The following NRXN1 variants were observed in gnomAD, a reference collection of about 807,000 sequenced individuals.
The protein encoded by NRXN1 is neurexin 1.
In NRXN1, 39 loss-of-function variants were observed where a neutral mutation model predicts 150.9. The observed-to-expected ratio is 0.26, with a 90% CI of 0.20 to 0.34. NRXN1 has a LOEUF of 0.34. Among genes scored for constraint, NRXN1 ranks in the 10% least tolerant of loss-of-function variants. The pLI, the probability that NRXN1 is intolerant of heterozygous loss-of-function variation, is 1.00. For synonymous variants in NRXN1, 924 were observed against 757.0 expected (o/e 1.22, Z -3.62); for missense variants, 1,815 against 1,949.9 (o/e 0.93, Z 1.30).
At chr2:50,165,964 A>G (rs1051855044) in intron 18 of NRXN1, among the ~76,000 whole-genome samples, 28 of 152,282 alleles carry the variant, frequency 1.8e-4, no homozygotes, top group Admixed American at 1.2e-3. Context: ...ATGATTTGCA[A>G]TGACCCTTAT....
At chr2:50,095,360 GA>G (rs2152702870) in intron 18 of NRXN1, among the ~76,000 whole-genome samples, 1 of 152,234 alleles carries the variant, frequency 6.6e-6, no homozygotes, top group South Asian at 2.1e-4. Flanking sequence ...ACAAGTACAG[GA>G]AGATATCTGT....
chr2:50,814,945 C>T (rs2105787464), intron 5 of NRXN1, among the ~76,000 whole-genome samples: 1 of 151,818 alleles, frequency 6.6e-6, no homozygotes, highest in East Asian at 1.9e-4. Context: ...GATGAACTTT[C>T]TGATTCTACG....
intron 2 of NRXN1, among the ~76,000 whole-genome samples, chr2:51,005,374 A>G (rs766298487): frequency 2.3e-4 from 35 of 152,024 alleles, no homozygotes; most frequent in South Asian, 2.1e-4. Flanking sequence ...GATGAGCTCA[A>G]TGTGATCAGC....
intron 5 of NRXN1, among the ~76,000 whole-genome samples, chr2:50,768,512 G>A (rs1702620554): frequency 6.6e-6 from 1 of 151,300 alleles, no homozygotes; most frequent in Admixed American, 6.6e-5. Flanking sequence ...TCACTATGTT[G>A]CAGAGGCTGG....
intron 5 of NRXN1, among the ~76,000 whole-genome samples, chr2:50,672,503 G>C (rs1036229377): frequency 5.9e-5 from 9 of 152,010 alleles, no homozygotes; most frequent in Non-Finnish European, 1.3e-4. Flanking sequence ...AAATCCCTAG[G>C]GAAGCACAGA....
chr2:50,590,921 A>G (rs370325247), intron 8 of NRXN1, among the ~76,000 whole-genome samples: 1 of 152,318 alleles, frequency 6.6e-6, no homozygotes, highest in African/African-American at 2.4e-5. Flanking sequence ...CAATTGGCTC[A>G]CCATACTCTA....
At chr2:50,328,883 G>A (rs1229055132) in intron 17 of NRXN1, among the ~76,000 whole-genome samples, 2 of 152,128 alleles carry the variant, frequency 1.3e-5, no homozygotes, top group African/African-American at 4.8e-5. Flanking sequence ...AGAACTGCTT[G>A]GTCAACCTTC....
intron 17 of NRXN1, among the ~76,000 whole-genome samples, chr2:50,341,389 G>A (rs2077537839): frequency 7.2e-6 from 1 of 139,840 alleles, no homozygotes; most frequent in Non-Finnish European, 1.5e-5. Flanking sequence ...TCTCTTTTAA[G>A]TATTTCTTAA....
intron 2 of NRXN1, among the ~76,000 whole-genome samples, chr2:50,982,912 C>T (rs1469791220): frequency 6.6e-6 from 1 of 151,924 alleles, no homozygotes; most frequent in East Asian, 1.9e-4. Flanking sequence ...CCTGAAGCTG[C>T]CTGAGAGTCA....
intron 5 of NRXN1, among the ~76,000 whole-genome samples, chr2:50,797,717 T>C (rs1707037600): frequency 6.6e-6 from 1 of 152,162 alleles, no homozygotes; most frequent in Non-Finnish European, 1.5e-5. Context: ...TTATGCAAGG[T>C]ACCTATTTCA....
chr2:50,046,347 G>T (rs1691812627), intron 21 of NRXN1, among the ~76,000 whole-genome samples: 1 of 152,122 alleles, frequency 6.6e-6, no homozygotes, highest in South Asian at 2.1e-4. Flanking sequence ...ATTCAACAGA[G>T]AATTCAGCTT....
intron 5 of NRXN1, among the ~76,000 whole-genome samples, chr2:50,643,152 T>C (rs1259360659): frequency 6.6e-6 from 1 of 151,960 alleles, no homozygotes; most frequent in African/African-American, 2.4e-5. Context: ...GGCCTAAATA[T>C]ATTTTTATCT....
intron 18 of NRXN1, among the ~76,000 whole-genome samples, chr2:50,201,034 T>C (rs2062123077): frequency 1.3e-5 from 2 of 152,130 alleles, no homozygotes; most frequent in South Asian, 4.1e-4. Flanking sequence ...TGCCCACTGT[T>C]TAATTTCTGA....
rs1280312011 is a variant in NRXN1 at position 50,346,949 on chromosome 2, T to C, written c.3365-109979A>G. Reference sequence around the variant, plus strand: ...CCGCACCGGAGCATCCTCTGGTACATGGCGGGGCGCCCGCCGAGGGGCAGC... The same window carrying C: ...CCGCACCGGAGCATCCTCTGGTACACGGCGGGGCGCCCGCCGAGGGGCAGC... On this transcript the variant is annotated intron_variant, in intron 17 of 22. Coordinates refer to ENST00000401669, the MANE Select transcript of NRXN1 (RefSeq NM_001330078.2). The surrounding 1 kb of genome is among the most constrained non-coding windows in gnomAD (Gnocchi z 5.0). 10 of 1,369,806 alleles carry C rather than the reference T, an allele frequency of 7.3e-6. No homozygotes were observed. Among genetic ancestry groups the C allele is most frequent in the South Asian group, 1.4e-5 (1 of 69,590 alleles). The allele number at this position is 1,369,806 out of a possible 1,614,324, so 84.9% of individuals were successfully genotyped here. A position where few individuals can be genotyped will look rare whatever the true frequency, so the allele number is the denominator to read the frequency against.
At chr2:50,020,918 A>G (rs934778729) in intron 21 of NRXN1, among the ~76,000 whole-genome samples, 3 of 152,180 alleles carry the variant, frequency 2.0e-5, no homozygotes, top group Non-Finnish European at 4.4e-5. Context: ...ATTTTTCTAG[A>G]AAAAGAAACA....
At chr2:50,113,425 T>C (rs1042785085) in intron 18 of NRXN1, among the ~76,000 whole-genome samples, 3 of 152,230 alleles carry the variant, frequency 2.0e-5, no homozygotes, top group Admixed American at 1.3e-4. Context: ...AAAATACTTT[T>C]GAATGAATTA....
At chr2:50,046,630 C>T (rs753017555) in intron 21 of NRXN1, among the ~76,000 whole-genome samples, 9 of 152,148 alleles carry the variant, frequency 5.9e-5, no homozygotes, top group Non-Finnish European at 1.0e-4. Context: ...GGTTCCTATA[C>T]TCTTGACTCC....
chr2:50,879,333 A>T lies in NRXN1; in HGVS notation c.832+42536T>A, dbSNP rs60188414. ...TGAGCCACTTTCTTAAAAATCAAGC[A>T]ATCTATAAATACTCATATAGATTGC... On this transcript the variant is annotated intron_variant, in intron 5 of 22. Coordinates refer to ENST00000401669, the MANE Select transcript of NRXN1 (RefSeq NM_001330078.2). Among the ~76,000 whole-genome samples, 1,116 of 152,010 alleles carry T rather than the reference A, an allele frequency of 7.3e-3. 10 individuals are homozygous for T. Among genetic ancestry groups the T allele is most frequent in the African/African-American group, 0.025 (1,056 of 41,516 alleles).
intron 16 of NRXN1, among the ~76,000 whole-genome samples, chr2:50,468,012 C>A (rs1045212222): frequency 7.9e-5 from 12 of 151,438 alleles, no homozygotes; most frequent in African/African-American, 2.7e-4. Context: ...AAAATAAAAT[C>A]TCTCAAAGCA....
Sources: allele counts gnomAD v4.1 joint callset (sites outside exome capture counted in the v4.1 genomes callset), GRCh38; gene constraint gnomAD v4.1.1; non-coding constraint Gnocchi (gnomAD v3.1); transcripts MANE v1.5; gene names NCBI Gene and HGNC (gene_info 2026-07-23, HGNC 2026-07-21).